ANKS1B: variants seen among roughly 807,000 people sequenced by gnomAD.
ANKS1B encodes the protein ankyrin repeat and sterile alpha motif domain-containing protein 1B.
In ANKS1B, 36 loss-of-function variants were observed where a neutral mutation model predicts 148.3. That is an observed-to-expected ratio of 0.24 (90% confidence interval 0.19 to 0.32). The LOEUF is 0.32. Ranked by LOEUF, ANKS1B falls within the 10% of genes least tolerant of loss-of-function variation. The probability of loss-of-function intolerance (pLI) is 1.00; values close to 1 mark genes in which losing one functional copy is unlikely to be tolerated. For missense variants in ANKS1B, 1,157 were observed against 1,542.6 expected, an observed-to-expected ratio of 0.75 and a Z score of 4.19; for synonymous variants, 542 against 560.8, an observed-to-expected ratio of 0.97 and a Z score of 0.47.
chr12:99,973,850 C>A (rs1055842145), intron 1 of ANKS1B, among the ~76,000 whole-genome samples: 1 of 152,120 alleles, frequency 6.6e-6, no homozygotes, highest in Non-Finnish European at 1.5e-5. Context: ...CGAGTGGAAT[C>A]GACTCCTGGT....
chr12:98,874,319 C>G (rs557227136), intron 17 of ANKS1B, among the ~76,000 whole-genome samples: 1 of 151,934 alleles, frequency 6.6e-6, no homozygotes, highest in Non-Finnish European at 1.5e-5. Flanking sequence ...AAAAATGGCA[C>G]GCCAAATTTG....
At chr12:98,863,569 G>A (rs909216151) in intron 17 of ANKS1B, among the ~76,000 whole-genome samples, 1 of 152,194 alleles carries the variant, frequency 6.6e-6, no homozygotes, top group Non-Finnish European at 1.5e-5. Flanking sequence ...TGAATAAAGT[G>A]TGTTGGTTGT....
chr12:98,908,988 G>T (rs574002997), intron 17 of ANKS1B, among the ~76,000 whole-genome samples: 3 of 152,256 alleles, frequency 2.0e-5, no homozygotes, highest in African/African-American at 4.8e-5. Flanking sequence ...CGGGAGAGGG[G>T]CTCAGTGTCT....
At chr12:98,740,360 A>G (rs138364529), downstream of ANKS1B, among the ~76,000 whole-genome samples, 4 of 152,218 alleles carry the variant, frequency 2.6e-5, no homozygotes, top group African/African-American at 9.6e-5. Flanking sequence ...CTCCTTTAGC[A>G]CAGCCCATGA....
At chr12:99,766,647 A>C (rs2062673830) in intron 8 of ANKS1B, among the ~76,000 whole-genome samples, 1 of 152,156 alleles carries the variant, frequency 6.6e-6, no homozygotes, top group Admixed American at 6.5e-5. Flanking sequence ...TTGAGTCACC[A>C]CATCCAAAAG....
intron 12 of ANKS1B, among the ~76,000 whole-genome samples, chr12:99,369,894 A>AGATG (rs2093029940): frequency 6.6e-6 from 1 of 151,598 alleles, no homozygotes; most frequent in African/African-American, 2.4e-5. Context: ...ATAGATAGAT[A>AGATG]AAATATGGCA....
chr12:99,463,644 T>C (rs11109853), intron 10 of ANKS1B, among the ~76,000 whole-genome samples: 7,379 of 152,178 alleles, frequency 0.048, 623 homozygotes, highest in African/African-American at 0.17. Context: ...TTATATCCTG[T>C]GCATGGCTCG....
chr12:99,154,232 C>G, intron 15 of ANKS1B, 57 bp downstream of exon 15: 2 of 1,601,850 alleles, frequency 1.2e-6, no homozygotes, highest in Non-Finnish European at 1.7e-6. Flanking sequence ...CCATGTAAGA[C>G]ACATAAGAAG....
At chr12:99,064,426 T>C (rs910367490) in intron 16 of ANKS1B, among the ~76,000 whole-genome samples, 6 of 152,026 alleles carry the variant, frequency 3.9e-5, no homozygotes, top group Admixed American at 3.9e-4. Flanking sequence ...CAGCACAGAA[T>C]AGCCTAGAAG....
chr12:99,317,811 T>C (rs1440823620), intron 12 of ANKS1B, among the ~76,000 whole-genome samples: 1 of 152,242 alleles, frequency 6.6e-6, no homozygotes, highest in Non-Finnish European at 1.5e-5. Context: ...TTGTCATAAA[T>C]AGCTCTTATT....
rs912727092 is a variant in ANKS1B, at chr12:99,406,300, A to C, written c.1576-6489T>G. On this transcript the variant is annotated intron_variant, in intron 11 of 26. Transcript: ENST00000683438. The stretch of plus-strand genomic sequence containing the variant: ...GAAACAAGTCTTAAAAAAACTAAAA[A>C]ATAAATTGAAATTATATCAAGTATC... 1.4e-5 allele frequency among the ~76,000 whole-genome samples: 2 copies of C among 146,082 alleles called. 1 individual carries two copies. Among genetic ancestry groups the C allele is most frequent in the African/African-American group, 5.2e-5 (2 of 38,662 alleles).
At chr12:99,177,415 T>A (rs905007001) in intron 14 of ANKS1B, among the ~76,000 whole-genome samples, 9 of 152,194 alleles carry the variant, frequency 5.9e-5, no homozygotes, top group Non-Finnish European at 1.3e-4. Context: ...AATATTGCAG[T>A]TGTTATTCAG....
Position 98,890,420 on chromosome 12 carries a change from T to A in ANKS1B, c.2779-58284A>T, listed in dbSNP as rs534263676. On this transcript the variant is annotated intron_variant, in intron 17 of 26. Transcript: ENST00000683438. ...AGTTGACAGTTAAGACAGAAAAAAATATATATATTAAGAGCCAAGAGATAC... is the reference window on the plus strand; with the variant it reads ...AGTTGACAGTTAAGACAGAAAAAAAAATATATATTAAGAGCCAAGAGATAC... 9.9e-5 allele frequency among the ~76,000 whole-genome samples: 15 copies of A among 151,430 alleles called. No individual in the cohort carries two copies. In the East Asian group the frequency reaches 1.8e-3, roughly 18 times the overall value.
chr12:99,295,680 T>C (rs543427608), intron 12 of ANKS1B, among the ~76,000 whole-genome samples: 1 of 152,166 alleles, frequency 6.6e-6, no homozygotes, highest in Non-Finnish European at 1.5e-5. Flanking sequence ...GTCATGGGGG[T>C]TTGTTGTACA....
At chr12:99,848,856 C>A (rs980766671) in intron 1 of ANKS1B, among the ~76,000 whole-genome samples, 4 of 151,992 alleles carry the variant, frequency 2.6e-5, no homozygotes, top group Non-Finnish European at 4.4e-5. Flanking sequence ...TGGAATACTA[C>A]ACAGCCATAA....
chr12:99,671,778 A>T (rs553861567), intron 8 of ANKS1B, among the ~76,000 whole-genome samples: 2 of 152,260 alleles, frequency 1.3e-5, no homozygotes, highest in African/African-American at 4.8e-5. Context: ...GGTAGCAGAA[A>T]TAAAGTAGTA....
At chr12:99,303,367 A>G (rs1344592275) in intron 12 of ANKS1B, among the ~76,000 whole-genome samples, 1 of 152,088 alleles carries the variant, frequency 6.6e-6, no homozygotes, top group Non-Finnish European at 1.5e-5. Flanking sequence ...TCAACCTCCC[A>G]TTTGAGGCTC....
At chr12:99,653,366 T>G (rs2098434401) in intron 9 of ANKS1B, among the ~76,000 whole-genome samples, 1 of 152,200 alleles carries the variant, frequency 6.6e-6, no homozygotes, top group Non-Finnish European at 1.5e-5. Context: ...AGGAAATGTA[T>G]TTTTACAAAT....
intron 12 of ANKS1B, among the ~76,000 whole-genome samples, chr12:99,259,900 C>T (rs989802577): frequency 6.6e-6 from 1 of 152,316 alleles, no homozygotes; most frequent in Admixed American, 6.5e-5. Context: ...GAGTTCTGTG[C>T]TAGGAGTATT....
Sources: allele counts gnomAD v4.1 joint callset (sites outside exome capture counted in the v4.1 genomes callset), GRCh38; gene constraint gnomAD v4.1.1; transcripts MANE v1.5; gene names NCBI Gene and HGNC (gene_info 2026-07-23, HGNC 2026-07-21).